Variants in POM121 observed in about 807,000 individuals in gnomAD.
The protein encoded by POM121 is POM121 transmembrane nucleoporin, also known as nuclear envelope pore membrane protein POM 121.
A neutral mutation model predicts 81.3 loss-of-function variants in POM121; 32 were observed. The observed-to-expected ratio is 0.39, with a 90% CI of 0.30 to 0.53. The LOEUF (loss-of-function observed/expected upper bound fraction) is 0.53, where lower values mean the gene tolerates loss of function less well. Ranked by LOEUF, POM121 falls within the 20% of genes least tolerant of loss-of-function variation. POM121 has a pLI of 0.66. For synonymous variants in POM121, 514 were observed against 694.2 expected, an observed-to-expected ratio of 0.74 and a Z score of 4.08; for missense variants, 1,138 against 1,614.6, an observed-to-expected ratio of 0.70 and a Z score of 5.06.
intron 3 of POM121, among the ~76,000 whole-genome samples, chr7:72,907,957 A>G (rs1397953840): frequency 1.3e-5 from 2 of 152,000 alleles, no homozygotes; most frequent in African/African-American, 2.4e-5. Flanking sequence ...GATTATTTCT[A>G]TGTAATTTTT....
At position 72,925,410 on chromosome 7, in the gene POM121, C is replaced by A; in HGVS notation, c.289C>A (p.Arg97=). Residue 97 remains arginine, a synonymous_variant, in exon 1 of 13, where the codon CGG becomes AGG. Transcript: ENST00000434423. ...TCGGCGCCCCTTGTCCTCCTTCGTT[C>A]GGAAGGCGCGTCATCGGCGAACACT... ...RHRRPLSSFV[R]KARHRRTLFA... 6.5e-7 allele frequency: 1 copy of A among 1,533,912 alleles called. No homozygotes were observed. The highest frequency in any genetic ancestry group is 8.7e-7 in the Non-Finnish European group (1 of 1,146,602).
At chr7:72,888,731 G>T (rs1288748928) in intron 1 of POM121, among the ~76,000 whole-genome samples, 3 of 151,630 alleles carry the variant, frequency 2.0e-5, no homozygotes, top group African/African-American at 7.3e-5. Context: ...ATATGTGCTT[G>T]TGTGTAATTG....
In POM121 at chr7:72,917,900, C is replaced by G. The variant is rs1324316734; in HGVS notation, c.-152+4072C>G. ...GGCAGGGTAAAGAGTGAGTCATCTC[C>G]AATGATAGGTAAGGTCACGTGGGTC... On this transcript the variant is annotated intron_variant, in intron 4 of 15. Coordinates refer to the POM121 transcript ENST00000395270. Among the ~76,000 whole-genome samples the G allele has an allele frequency of 2.0e-5, 3 of 152,178 alleles. No homozygotes were observed. The East Asian group carries it at 5.8e-4, about 29-fold the overall frequency.
At chr7:72,921,523 C>T (rs1794818525), upstream of POM121, among the ~76,000 whole-genome samples, 1 of 152,164 alleles carries the variant, frequency 6.6e-6, no homozygotes, top group Non-Finnish European at 1.5e-5. Flanking sequence ...GAAATTATCC[C>T]CAGGTAGAGG....
At position 72,946,185 on chromosome 7, in the gene POM121, G is replaced by A. The variant is rs1554503206; in HGVS notation, c.3701G>A (p.Gly1234Glu). The A allele has an allele frequency of 3.1e-6, 5 of 1,611,746 alleles. No individual in the cohort carries two copies. The highest frequency in any genetic ancestry group is 4.2e-6 in the Non-Finnish European group (5 of 1,179,748). ...ATTGGTGCGGGATCCAAGACCCCAGGGGCTCGACAGCGACTGCAGGCCCGA... is the reference window on the plus strand; with the variant it reads ...ATTGGTGCGGGATCCAAGACCCCAGAGGCTCGACAGCGACTGCAGGCCCGA... ...FSIGAGSKTP[G>E]ARQRLQARRQ... The change falls in exon 13 of 13, where the codon GGG (glycine) becomes GAG (glutamate). Residue 1234 changes from glycine (G) to glutamate (E), a missense_variant. By Grantham distance (98) the Gly-to-Glu change is moderately conservative. This residue lies in a region of POM121 where 336 missense variants were observed against 344.3 expected (regional missense o/e 0.98). Transcript: ENST00000434423.
intron 12 of POM121, 102 bp from the exon 13 acceptor site, chr7:72,946,035 C>T: frequency 2.0e-6 from 3 of 1,506,202 alleles, no homozygotes; most frequent in Non-Finnish European, 2.7e-6. Flanking sequence ...TATTGAGGCA[C>T]CCTGTGTTTT....
chr7:72,925,267 T>C lies in POM121; in HGVS notation c.146T>C (p.Val49Ala), dbSNP rs1554496922. 6.5e-7 allele frequency: 1 copy of C among 1,534,528 alleles called. No individual in the cohort carries two copies. Among genetic ancestry groups the C allele is most frequent in the Admixed American group, 2.0e-5 (1 of 50,980 alleles). Reference sequence around the variant, plus strand: ...CTGGTTGGCCTCTTACTGTACCTCGTGCCGGCTGCGGCTGCACTGGCCTGG... The same window carrying C: ...CTGGTTGGCCTCTTACTGTACCTCGCGCCGGCTGCGGCTGCACTGGCCTGG... ...LSLVGLLLYLVPAAAALAWLT... is the reference protein window; with the variant it reads ...LSLVGLLLYLAPAAAALAWLT... Residue 49 changes from valine (V) to alanine (A), a missense_variant, in exon 1 of 13, where the codon GTG becomes GCG. Transcript: ENST00000434423.
At position 72,948,133 on chromosome 7, in the gene POM121, T is replaced by C; in HGVS notation, c.*1899T>C. On this transcript the variant is annotated 3_prime_UTR_variant, in exon 13 of 13. Coordinates refer to ENST00000434423, the MANE Select transcript of POM121 (RefSeq NM_001387691.1). ...CCGGTCCGGGAACCCTGAGTGAGAA[T>C]GAGTGTGGATGTGTACAGTACACGC... The C allele has an allele frequency of 5.7e-6, 8 of 1,404,760 alleles. No homozygotes were observed. Among genetic ancestry groups the C allele is most frequent in the Non-Finnish European group, 7.4e-6 (8 of 1,082,764 alleles). The allele number at this position is 1,404,760 out of a possible 1,614,324, so 87.0% of individuals were successfully genotyped here.
chr7:72,915,707 G>C (rs1327565161), intron 4 of POM121, among the ~76,000 whole-genome samples: 1 of 151,884 alleles, frequency 6.6e-6, no homozygotes, highest in Admixed American at 6.6e-5. Context: ...GAGTCTCACT[G>C]TGTTGCCCAG....
Position 72,926,466 on chromosome 7 carries a change from G to A in POM121, c.849G>A (p.Ser283=), listed in dbSNP as rs573846508. The A allele has an allele frequency of 3.1e-6, 5 of 1,613,966 alleles. No individual in the cohort carries two copies. The highest frequency in any genetic ancestry group is 1.7e-5 in the Admixed American group (1 of 60,018). ...TCGCCCCTCCTGACAGAAGATTTTC[G>A]CGTTCTGCGATGTGAGTATTATCGT... is the stretch of plus-strand genomic sequence containing the variant. ...VRIAPPDRRF[S]RSAIPEQIIS... is the part of the protein sequence containing the mutation. The change falls in exon 2 of 13, where the codon TCG becomes TCA. Residue 283 remains serine (S), a synonymous_variant. Transcript: ENST00000434423.
intron 3 of POM121, among the ~76,000 whole-genome samples, chr7:72,903,728 T>A (rs1451601990): frequency 6.6e-6 from 1 of 152,270 alleles, no homozygotes; most frequent in Non-Finnish European, 1.5e-5. Context: ...GGATTGCCAC[T>A]GTGCTGGGGC....
chr7:72,910,566 C>G lies in POM121; in HGVS notation c.-215-3199C>G, dbSNP rs191915693. 1.3e-4 allele frequency among the ~76,000 whole-genome samples: 19 copies of G among 151,962 alleles called. No homozygotes were observed. The East Asian group carries it at 3.5e-3, about 28-fold the overall frequency. On this transcript the variant is annotated intron_variant, in intron 3 of 15. Transcript: ENST00000395270. ...AGCAGGGCCCTTCCACACAGTCTTTCCAGTGCTTGGTGGAGAGGGGAGAGA... is the reference window on the plus strand; with the variant it reads ...AGCAGGGCCCTTCCACACAGTCTTTGCAGTGCTTGGTGGAGAGGGGAGAGA...
rs1211289704 is a variant in POM121, at chr7:72,944,725, C to T, written c.3530-861C>T. Among the ~76,000 whole-genome samples the T allele has an allele frequency of 2.6e-4, 40 of 151,834 alleles. 1 individual carries two copies. The highest frequency in any genetic ancestry group is 9.7e-4 in the African/African-American group (40 of 41,444). On this transcript the variant is annotated intron_variant, in intron 11 of 12. Transcript: ENST00000434423. ...GAAGTCAGCTGCAGGAGGGGTGGTG[C>T]CTACAGGAGATTCGGGAGCCGGAGC...
intron 1 of POM121, among the ~76,000 whole-genome samples, chr7:72,884,504 CAAATATATACAT>C (rs1426567553): frequency 0.085 from 9,314 of 109,956 alleles, 1,268 homozygotes; most frequent in African/African-American, 0.28. Flanking sequence ...TATTTGATAG[CAAATATATACAT>C]ATAATATATA....
chr7:72,938,013 C>T (rs1331110187), intron 5 of POM121, among the ~76,000 whole-genome samples: 2 of 152,096 alleles, frequency 1.3e-5, no homozygotes, highest in Non-Finnish European at 2.9e-5. Flanking sequence ...CTATCCTCTC[C>T]GTAGACAGTC....
downstream of POM121, chr7:72,950,332 G>C (rs1198435635): frequency 2.3e-6 from 2 of 862,294 alleles, no homozygotes; most frequent in Non-Finnish European, 3.6e-6. Flanking sequence ...TCCGGGATCC[G>C]CAGTTGAGGG....
rs1554502276 is a variant in POM121, at chr7:72,943,244, G to A, written c.3251G>A (p.Ser1084Asn). The A allele has an allele frequency of 5.6e-6, 9 of 1,611,812 alleles. 1 individual carries two copies. The highest frequency in any genetic ancestry group is 1.3e-5 in the African/African-American group (1 of 75,004). ...ACCACCCAGACCGCCAGCAGCGGGAGCAGCAGCTCGGTGTTTGGCAGCACA... is the reference window on the plus strand; with the variant it reads ...ACCACCCAGACCGCCAGCAGCGGGAACAGCAGCTCGGTGTTTGGCAGCACA... Reference protein sequence around the residue: ...GATTQTASSGSSSSVFGSTTP... With the variant: ...GATTQTASSGNSSSVFGSTTP... The change falls in exon 11 of 13, where the codon AGC becomes AAC. Residue 1084 changes from serine (S) to asparagine (N), a missense_variant. Physicochemically the swap from Ser to Asn is conservative, Grantham distance 46. Coordinates refer to ENST00000434423, the MANE Select transcript of POM121 (RefSeq NM_001387691.1).
chr7:72,901,861 C>T (rs1792682015), intron 3 of POM121, among the ~76,000 whole-genome samples: 1 of 151,806 alleles, frequency 6.6e-6, no homozygotes, highest in Admixed American at 6.6e-5. Context: ...ATCTATAATC[C>T]CAGCACTTTG....
Position 72,942,759 on chromosome 7 carries a change from C to T in POM121, c.2766C>T (p.Gly922=). 4 of 1,398,266 alleles carry T rather than the reference C, an allele frequency of 2.9e-6. No homozygotes were observed. The highest frequency in any genetic ancestry group is 2.5e-5 in the Admixed American group (1 of 40,516). 86.6% of individuals were successfully genotyped at this position (1,398,266 alleles called of 1,614,324 possible). Residue 922 remains glycine, a synonymous_variant, in exon 11 of 13, where the codon GGC becomes GGT. Transcript: ENST00000434423. The part of the protein sequence containing the change: ...SSSAADFSGF[G]STLATSAPAT... ...GCGCTGCCGACTTTAGTGGTTTTGG[C>T]AGCACCCTCGCCACCTCCGCCCCGG...
Sources: allele counts gnomAD v4.1 joint callset (sites outside exome capture counted in the v4.1 genomes callset), GRCh38; gene constraint gnomAD v4.1.1; regional missense constraint gnomAD v4.1.1; transcripts MANE v1.5; gene names NCBI Gene and HGNC (gene_info 2026-07-23, HGNC 2026-07-21).